Variants in KLHL18 observed in about 807,000 individuals in gnomAD.
The protein encoded by KLHL18 is kelch-like protein 18.
KLHL18 carries 38 observed loss-of-function variants against 58.5 expected under a neutral mutation model. The ratio of observed to expected loss-of-function variants is 0.65; its 90% CI spans 0.50 to 0.85. KLHL18 has a LOEUF of 0.85. Ranked by LOEUF, KLHL18 falls within the 40% of genes least tolerant of loss-of-function variation. The probability of loss-of-function intolerance (pLI) is 0.00; values close to 1 mark genes in which losing one functional copy is unlikely to be tolerated. For synonymous variants in KLHL18, 303 were observed against 301.9 expected, an observed-to-expected ratio of 1.00 and a Z score of -0.04; for missense variants, 624 against 778.4, an observed-to-expected ratio of 0.80 and a Z score of 2.36.
intron 1 of KLHL18, among the ~76,000 whole-genome samples, chr3:47,287,963 G>A (rs1339946942): frequency 6.6e-6 from 1 of 151,996 alleles, no homozygotes; most frequent in Non-Finnish European, 1.5e-5. Context: ...AGTGGCTCAC[G>A]CCTGATCCCA....
intron 1 of KLHL18, among the ~76,000 whole-genome samples, chr3:47,292,090 G>T (rs535972916): frequency 6.6e-6 from 1 of 152,198 alleles, no homozygotes; most frequent in South Asian, 2.1e-4. Flanking sequence ...TGAAGGTAAA[G>T]GTCAGAGCTT....
At chr3:47,315,231 G>A (rs960708321) in intron 1 of KLHL18, among the ~76,000 whole-genome samples, 2 of 152,228 alleles carry the variant, frequency 1.3e-5, no homozygotes, top group East Asian at 3.9e-4. Flanking sequence ...TTCTAGTGTA[G>A]AACCCTGGAA....
chr3:47,312,031 T>C (rs185502084), intron 1 of KLHL18, among the ~76,000 whole-genome samples: 2 of 152,378 alleles, frequency 1.3e-5, no homozygotes, highest in East Asian at 3.9e-4. Flanking sequence ...CTCATTTGAA[T>C]TGATCTTTTT....
chr3:47,312,502 G>A (rs897549802), intron 1 of KLHL18, among the ~76,000 whole-genome samples: 4 of 152,048 alleles, frequency 2.6e-5, no homozygotes, highest in African/African-American at 9.7e-5. Context: ...AAATTGTGTG[G>A]CACCAGTTCA....
At chr3:47,330,848 A>G (rs1433254020) in intron 4 of KLHL18, among the ~76,000 whole-genome samples, 1 of 151,962 alleles carries the variant, frequency 6.6e-6, no homozygotes, top group Non-Finnish European at 1.5e-5. Flanking sequence ...CTCCCGCATC[A>G]ACCTCCTTGA....
intron 1 of KLHL18, among the ~76,000 whole-genome samples, chr3:47,289,700 T>C (rs1352340928): frequency 2.0e-5 from 3 of 152,166 alleles, no homozygotes; most frequent in African/African-American, 7.2e-5. Flanking sequence ...GGAGGATTGC[T>C]TGAGCCCAGG....
intron 7 of KLHL18, chr3:47,337,996 C>A (rs1048951482): frequency 6.6e-6 from 1 of 152,212 alleles, no homozygotes; most frequent in African/African-American, 2.4e-5. Context: ...GTATTCCTTT[C>A]CTTCACTGTG....
At chr3:47,342,397 CTTTATA>C (rs1323020940) in intron 8 of KLHL18, among the ~76,000 whole-genome samples, 1 of 152,162 alleles carries the variant, frequency 6.6e-6, no homozygotes, top group Non-Finnish European at 1.5e-5. Flanking sequence ...TAGCACTGAG[CTTTATA>C]AGTACAGCAG....
chr3:47,322,395 G>A (rs1448225638), intron 2 of KLHL18, among the ~76,000 whole-genome samples, 173 bp from the exon 3 acceptor site: 2 of 152,198 alleles, frequency 1.3e-5, no homozygotes, highest in Non-Finnish European at 2.9e-5. Context: ...TTTCTGTAGG[G>A]CAATGAAGAC....
intron 2 of KLHL18, 59 bp from the exon 3 acceptor site, chr3:47,322,509 C>T: frequency 6.7e-7 from 1 of 1,486,530 alleles, no homozygotes; most frequent in Non-Finnish European, 9.0e-7. Context: ...GGGCCTGAGT[C>T]TCCCGTGGGC....
chr3:47,327,071 TCTA>T (rs905993275), intron 3 of KLHL18, among the ~76,000 whole-genome samples: 1 of 151,850 alleles, frequency 6.6e-6, no homozygotes, highest in Non-Finnish European at 1.5e-5. Context: ...AAATGCCATC[TCTA>T]CTAAAAATAC....
intron 6 of KLHL18, among the ~76,000 whole-genome samples, chr3:47,335,728 G>C (rs936510655): frequency 9.2e-5 from 14 of 152,136 alleles, no homozygotes; most frequent in African/African-American, 3.4e-4. Context: ...GGCTGGTTTT[G>C]AGTTCCTGAC....
At chr3:47,294,203 C>T (rs1249706995) in intron 1 of KLHL18, among the ~76,000 whole-genome samples, 1 of 152,112 alleles carries the variant, frequency 6.6e-6, no homozygotes, top group Non-Finnish European at 1.5e-5. Flanking sequence ...TGTTTTTCCC[C>T]AGGCTTAATT....
intron 9 of KLHL18, 137 bp downstream of exon 9, chr3:47,342,967 C>T: frequency 1.5e-6 from 1 of 652,980 alleles, no homozygotes; most frequent in South Asian, 1.9e-5. Flanking sequence ...AGGCTATCCA[C>T]TGCACCTTCT....
intron 6 of KLHL18, among the ~76,000 whole-genome samples, chr3:47,335,443 T>C (rs1703962899): frequency 6.6e-6 from 1 of 152,230 alleles, no homozygotes; most frequent in South Asian, 2.1e-4. Flanking sequence ...TTCAGAAAGC[T>C]GCATGGCCTC....
At chr3:47,283,304 G>A (rs1337685372) in intron 1 of KLHL18, 3 of 597,668 alleles carry the variant, frequency 5.0e-6, no homozygotes, top group Non-Finnish European at 5.9e-6. Flanking sequence ...GCCCTTGAAA[G>A]GAAAGGTTGA....
At chr3:47,309,164 A>G (rs899493116) in intron 1 of KLHL18, among the ~76,000 whole-genome samples, 1 of 152,064 alleles carries the variant, frequency 6.6e-6, no homozygotes, top group African/African-American at 2.4e-5. Context: ...TCCTATGTCT[A>G]CTTCTTTCTA....
chr3:47,342,663 G>T, intron 8 of KLHL18, 56 bp from the exon 9 acceptor site: 1 of 1,458,302 alleles, frequency 6.9e-7, no homozygotes, highest in South Asian at 1.2e-5. Flanking sequence ...GCTGTCTTGA[G>T]GGAACAAGAA....
At chr3:47,329,739 G>A (rs1703810760) in intron 3 of KLHL18, among the ~76,000 whole-genome samples, 1 of 152,172 alleles carries the variant, frequency 6.6e-6, no homozygotes, top group South Asian at 2.1e-4. Context: ...GACGCACAGA[G>A]CACCAGGCCC....
Sources: allele counts gnomAD v4.1 joint callset (sites outside exome capture counted in the v4.1 genomes callset), GRCh38; gene constraint gnomAD v4.1.1; transcripts MANE v1.5; gene names NCBI Gene and HGNC (gene_info 2026-07-23, HGNC 2026-07-21).